Variants in MYO15B observed in about 807,000 individuals in gnomAD.
MYO15B encodes myosin XVB, also known as myosin XVB pseudogene.
Under a neutral mutation model 119.3 loss-of-function variants are expected in MYO15B, and 207 were observed. The observed-to-expected ratio is 1.73, with a 90% CI of 1.55 to 1.95. MYO15B has a LOEUF of 1.95. Ranked by LOEUF, MYO15B falls within the 30% of genes most tolerant of loss-of-function variation. MYO15B has a pLI of 0.00. For missense variants in MYO15B, 2,264 were observed against 1,203.1 expected (o/e 1.88, Z -13.04); for synonymous variants, 966 against 498.9 (o/e 1.94, Z -12.48).
At chr17:75,616,528 G>A (rs1046219716) in exon 39 of MYO15B, 7 of 702,102 alleles carry the variant, frequency 1.0e-5, no homozygotes, top group African/African-American at 3.5e-5. Context: ...GGTCAGTGCC[G>A]TCCCCTCCTC....
chr17:75,614,791 GGA>G lies in MYO15B; in HGVS notation c.5503_5504del (p.Ser1835ProfsTer166), dbSNP rs758837623. On this transcript the variant is annotated frameshift_variant, in exon 32 of 64. Transcript: ENST00000645453. LOFTEE classifies it high-confidence loss of function. ...CCCACAGGGGAGGTCCAGAGGTCAG[GGA>G]GCCTGGACGGCTTCCTGGACCAGAT... 1.4e-6 allele frequency: 1 copy of G among 702,836 alleles called. No individual in the cohort carries two copies. Among genetic ancestry groups the G allele is most frequent in the South Asian group, 1.5e-5 (1 of 67,604 alleles). 43.5% of individuals were successfully genotyped at this position (702,836 alleles called of 1,614,324 possible). A position where few individuals can be genotyped will look rare whatever the true frequency, so the allele number is the denominator to read the frequency against.
chr17:75,605,785 G>A (rs966086752), intron 20 of MYO15B, 79 bp from the exon 21 acceptor site: 12 of 647,514 alleles, frequency 1.9e-5, no homozygotes, highest in Non-Finnish European at 3.1e-5. Context: ...GGCTGGAAGG[G>A]AGGAGGCTGA....
At chr17:75,619,608 C>T (rs1200942105) in intron 45 of MYO15B, 73 bp from the exon 46 acceptor site, 3 of 694,544 alleles carry the variant, frequency 4.3e-6, no homozygotes, top group African/African-American at 3.5e-5. Context: ...GCCACTGGCC[C>T]TGGGCAGCTC....
exon 28 of MYO15B, chr17:75,613,343 A>C (rs1479035787): frequency 1.5e-6 from 1 of 675,774 alleles, no homozygotes; most frequent in Non-Finnish European, 2.7e-6. Flanking sequence ...TGCCAGCACA[A>C]GCTGCTGGGG....
intron 33 of MYO15B, 67 bp downstream of exon 33, chr17:75,615,109 A>G: frequency 1.5e-6 from 1 of 687,496 alleles, no homozygotes; most frequent in East Asian, 2.7e-5. Context: ...ATGGCCTGGG[A>G]CCCCTCTGGC....
intron 61 of MYO15B, 46 bp downstream of exon 61, chr17:75,625,706 G>A: frequency 2.8e-6 from 2 of 702,108 alleles, no homozygotes; most frequent in Admixed American, 2.0e-5. Context: ...TGGAGGCCAA[G>A]AGGGAAGGAA....
At chr17:75,594,432 A>G (rs1049118604) in intron 9 of MYO15B, 43 bp from the exon 10 acceptor site, 1 of 587,536 alleles carries the variant, frequency 1.7e-6, no homozygotes, top group Middle Eastern at 2.6e-4. Flanking sequence ...GAGTGTGTCC[A>G]TTCCTGAAGC....
At position 75,624,664 on chromosome 17, in the gene MYO15B, G is replaced by A. The variant is rs1002847181; in HGVS notation, c.8542+25G>A. On this transcript the variant is annotated intron_variant, in intron 58 of 63. Coordinates refer to ENST00000645453, the Ensembl canonical transcript of MYO15B. ...AGTAAGCTTGGGGACGGAGCCTCAC[G>A]GTGGGGCCACTCCCCTGCCCAGGGG... 2.8e-5 allele frequency: 20 copies of A among 702,890 alleles called. 1 individual carries two copies. Among genetic ancestry groups the A allele is most frequent in the Admixed American group, 2.2e-4 (11 of 49,992 alleles). The allele number at this position is 702,890 out of a possible 1,614,324, so 43.5% of individuals were successfully genotyped here.
chr17:75,590,666 A>G (rs748554818), exon 2 of MYO15B: 2 of 188,796 alleles, frequency 1.1e-5, no homozygotes, highest in African/African-American at 4.7e-5. Context: ...CCTCAAGAAG[A>G]GATTTCACCT....
intron 43 of MYO15B, among the ~76,000 whole-genome samples, chr17:75,618,889 G>A (rs820146): frequency 0.28 from 42,308 of 152,114 alleles, 6,126 homozygotes; most frequent in Middle Eastern, 0.33. Flanking sequence ...AGTTACCACG[G>A]GGTCTCTGGG....
chr17:75,621,757 G>A (rs562004373), intron 52 of MYO15B, 187 bp downstream of exon 52: 5 of 602,196 alleles, frequency 8.3e-6, no homozygotes, highest in South Asian at 3.9e-5. Context: ...TGTGGGTTGT[G>A]TGGAGTCTGG....
In MYO15B at chr17:75,624,542, G is replaced by C. The variant is rs868574310; in HGVS notation, c.8446-1G>C. ...TCATCACAGTCTGTCCACATGCCCA[G>C]GTAGCAGCAGAAGTGCAGGAGGAGC... On this transcript the variant is annotated splice_acceptor_variant, in intron 57 of 63. Transcript: ENST00000645453. LOFTEE classifies it high-confidence loss of function. 3 of 702,968 alleles carry C rather than the reference G, an allele frequency of 4.3e-6. No individual in the cohort carries two copies. The highest frequency in any genetic ancestry group is 7.8e-6 in the Non-Finnish European group (3 of 385,024). 43.5% of individuals were successfully genotyped at this position (702,968 alleles called of 1,614,324 possible). A position where few individuals can be genotyped will look rare whatever the true frequency, so the allele number is the denominator to read the frequency against.
chr17:75,601,820 G>C (rs1255193218), intron 15 of MYO15B, among the ~76,000 whole-genome samples: 3 of 152,228 alleles, frequency 2.0e-5, no homozygotes, highest in Non-Finnish European at 4.4e-5. Flanking sequence ...GGGACCTGAT[G>C]ACCTTGGCAG....
At chr17:75,615,299 C>A (rs893053480) in exon 34 of MYO15B, 2 of 702,748 alleles carry the variant, frequency 2.8e-6, no homozygotes, top group Non-Finnish European at 5.2e-6. Flanking sequence ...TGCACCCATG[C>A]CCATGATGCC....
chr17:75,593,042 AC>A, intron 9 of MYO15B: 1 of 529,416 alleles, frequency 1.9e-6, no homozygotes. Context: ...CTAAGCTGCC[AC>A]CCCTAAGAAC....
intron 21 of MYO15B, among the ~76,000 whole-genome samples, chr17:75,608,819 C>T (rs780407586): frequency 3.9e-5 from 6 of 152,022 alleles, no homozygotes; most frequent in Admixed American, 6.5e-5. Context: ...ATACAACCTC[C>T]GCCTCCTGGG....
rs767934722 is a variant in MYO15B, at chr17:75,624,558, C to T, written c.8461C>T (p.Gln2821Ter). Reference sequence around the variant, plus strand: ...ACATGCCCAGGTAGCAGCAGAAGTGCAGGAGGAGCTGTGCCGGCAAATGGG... The same window carrying T: ...ACATGCCCAGGTAGCAGCAGAAGTGTAGGAGGAGCTGTGCCGGCAAATGGG... Residue 2821 changes from glutamine (Q) to a stop codon, truncating the protein, a stop_gained, in exon 58 of 64, where the codon CAG becomes TAG. Transcript: ENST00000645453. LOFTEE classifies it high-confidence loss of function. 14 of 702,912 alleles carry T rather than the reference C, an allele frequency of 2.0e-5. No homozygotes were observed. The Admixed American group carries it at 2.8e-4, about 14-fold the overall frequency. The allele number at this position is 702,912 out of a possible 1,614,324, so 43.5% of individuals were successfully genotyped here.
At position 75,594,724 on chromosome 17, in the gene MYO15B, G is replaced by A. The variant is rs140580829; in HGVS notation, c.3129G>A (p.Ser1043=). ...AGGAGACGCCCTATGGCCAGGTCTCGCGATCCCTGCCCGTGGAAAGTGCCT... is the reference window on the plus strand; with the variant it reads ...AGGAGACGCCCTATGGCCAGGTCTCACGATCCCTGCCCGTGGAAAGTGCCT... The change falls in exon 11 of 64, where the codon TCG becomes TCA. Residue 1043 remains serine, a synonymous_variant. Transcript: ENST00000645453. 1.6e-3 allele frequency: 1,136 copies of A among 703,022 alleles called. 7 individuals carry two copies. Among genetic ancestry groups the A allele is most frequent in the Middle Eastern group, 6.2e-3 (27 of 4,368 alleles). 43.5% of individuals were successfully genotyped at this position (703,022 alleles called of 1,614,324 possible).
At chr17:75,608,978 C>T (rs569011926) in intron 21 of MYO15B, among the ~76,000 whole-genome samples, 12 of 152,202 alleles carry the variant, frequency 7.9e-5, no homozygotes, top group East Asian at 5.8e-4. Flanking sequence ...GTGATCTGCC[C>T]GCCTCGGTCT....
Sources: gnomAD v4.1 joint callset for allele counts (sites outside exome capture counted in the v4.1 genomes callset) on GRCh38, gnomAD v4.1.1 for gene constraint, MANE v1.5 for transcripts, NCBI Gene and HGNC (gene_info 2026-07-23, HGNC 2026-07-21) for gene names.